ROBO2: variants seen among roughly 807,000 people sequenced by gnomAD.
ROBO2 encodes the protein roundabout guidance receptor 2, also known as roundabout homolog 2.
ROBO2 carries 53 observed loss-of-function variants against 160.8 expected under a neutral mutation model. That is an observed-to-expected ratio of 0.33 (90% CI 0.26 to 0.41). The LOEUF (loss-of-function observed/expected upper bound fraction) is 0.41. Ranked by LOEUF, ROBO2 falls within the 10% of genes least tolerant of loss-of-function variation. The pLI, the probability that ROBO2 is intolerant of heterozygous loss-of-function variation, is 1.00. For missense variants in ROBO2, 1,577 were observed against 1,722.4 expected (o/e 0.92, Z 1.49); for synonymous variants, 664 against 611.7 (o/e 1.09, Z -1.26).
chr3:76,249,259 T>C lies in ROBO2; in HGVS notation c.109+311657T>C, dbSNP rs528006903. On this transcript the variant is annotated intron_variant, in intron 2 of 26. Coordinates refer to the ROBO2 transcript ENST00000487694. ...CACAGTACTAACAGTGCCTCAGAAC[T>C]GGGAAGTCAAAATGGATATTTATAC... is the stretch of plus-strand genomic sequence containing the variant. 2.3e-3 allele frequency among the ~76,000 whole-genome samples: 356 copies of C among 152,106 alleles called. 3 individuals are homozygous for C. The highest frequency in any genetic ancestry group is 8.2e-3 in the African/African-American group (340 of 41,522).
intron 2 of ROBO2, among the ~76,000 whole-genome samples, chr3:75,979,611 T>G (rs1208367583): frequency 6.6e-6 from 1 of 151,538 alleles, no homozygotes; most frequent in Non-Finnish European, 1.5e-5. Context: ...ATAACATGCA[T>G]AAAAATGCCT....
rs182570447 is a variant in ROBO2 at position 77,429,994 on chromosome 3, C to G, written c.389-47420C>G. Among the ~76,000 whole-genome samples the G allele has an allele frequency of 6.8e-4, 103 of 152,248 alleles. 1 individual carries two copies. The highest frequency in any genetic ancestry group is 1.7e-3 in the African/African-American group (71 of 41,546). On this transcript the variant is annotated intron_variant, in intron 2 of 25. Coordinates refer to ENST00000461745, the Ensembl canonical transcript of ROBO2. ...GGTTAGATCAGGTGAGGCTTCTGTG[C>G]AATGGACAGTGATCGATATGTTTCA... is the stretch of plus-strand genomic sequence containing the variant.
rs530294599 is a variant in ROBO2 at position 76,227,439 on chromosome 3, A to G, written c.109+289837A>G. On this transcript the variant is annotated intron_variant, in intron 2 of 26. Transcript: ENST00000487694. Reference sequence around the variant, plus strand: ...TGTGATTAATTTTGATTATGACTCTACATACTTTGTACACCTCAAATAAAT... The same window carrying G: ...TGTGATTAATTTTGATTATGACTCTGCATACTTTGTACACCTCAAATAAAT... Among the ~76,000 whole-genome samples, 9 of 152,332 alleles carry G rather than the reference A, an allele frequency of 5.9e-5. No individual in the cohort carries two copies. In the South Asian group the frequency reaches 1.9e-3, roughly 32 times the overall value.
chr3:77,556,364 TTTTG>T (rs2093121068), intron 8 of ROBO2, among the ~76,000 whole-genome samples: 1 of 151,924 alleles, frequency 6.6e-6, no homozygotes, highest in Non-Finnish European at 1.5e-5. Context: ...TGATTCTAAT[TTTTG>T]TTTGTGAATG....
At chr3:77,328,630 G>A (rs2065677634) in intron 2 of ROBO2, among the ~76,000 whole-genome samples, 1 of 152,150 alleles carries the variant, frequency 6.6e-6, no homozygotes, top group Non-Finnish European at 1.5e-5. Context: ...TGTTAAAAAT[G>A]TAAGAGAGCA....
intron 2 of ROBO2, among the ~76,000 whole-genome samples, chr3:77,024,420 A>G (rs1030599111): frequency 3.3e-5 from 5 of 152,206 alleles, no homozygotes; most frequent in Non-Finnish European, 5.9e-5. Context: ...ATAGCTTGAG[A>G]CACTGATGGA....
At chr3:76,440,171 T>G (rs2076860194) in intron 2 of ROBO2, among the ~76,000 whole-genome samples, 1 of 152,034 alleles carries the variant, frequency 6.6e-6, no homozygotes, top group Non-Finnish European at 1.5e-5. Context: ...TTCCACTAAA[T>G]AGCAAGACCT....
chr3:76,426,643 T>C (rs1490041529), intron 2 of ROBO2, among the ~76,000 whole-genome samples: 1 of 152,142 alleles, frequency 6.6e-6, no homozygotes, highest in Admixed American at 6.6e-5. Context: ...GGAAGTGGGC[T>C]TAGATGAAAG....
chr3:76,515,605 C>G (rs1322141769), intron 2 of ROBO2, among the ~76,000 whole-genome samples: 2 of 152,016 alleles, frequency 1.3e-5, no homozygotes, highest in Non-Finnish European at 2.9e-5. Flanking sequence ...CATATAAAGC[C>G]TAAGCATATC....
chr3:77,140,217 G>T (rs1175464035), intron 2 of ROBO2, among the ~76,000 whole-genome samples: 2 of 152,122 alleles, frequency 1.3e-5, no homozygotes, highest in African/African-American at 4.8e-5. Context: ...TGTGGCGATT[G>T]TTCTTAAACC....
At chr3:76,879,730 G>T (rs2073149924) in intron 2 of ROBO2, among the ~76,000 whole-genome samples, 1 of 151,982 alleles carries the variant, frequency 6.6e-6, no homozygotes, top group Non-Finnish European at 1.5e-5. Flanking sequence ...AATATATATT[G>T]TACCAGTACT....
intron 2 of ROBO2, among the ~76,000 whole-genome samples, chr3:76,900,643 C>T (rs1257006283): frequency 2.0e-5 from 3 of 152,200 alleles, no homozygotes; most frequent in South Asian, 2.1e-4. Flanking sequence ...CGCTGCTAGA[C>T]GATATGTAAA....
chr3:76,840,534 C>G, intron 2 of ROBO2, among the ~76,000 whole-genome samples: 1 of 150,652 alleles, frequency 6.6e-6, no homozygotes, highest in East Asian at 2.0e-4. Context: ...CGCTTGAACC[C>G]AGAAGGTGGA....
At chr3:77,384,744 G>A (rs904343531) in intron 2 of ROBO2, among the ~76,000 whole-genome samples, 1 of 152,124 alleles carries the variant, frequency 6.6e-6, no homozygotes, top group Admixed American at 6.5e-5. Flanking sequence ...TCCTTATAGA[G>A]TCACAAAGTA....
exon 21 of ROBO2, chr3:77,607,931 T>C (rs368811223): frequency 3.1e-6 from 5 of 1,613,502 alleles, no homozygotes; most frequent in African/African-American, 2.7e-5. Flanking sequence ...TGGAACACTA[T>C]GCAGTGGAAC....
chr3:77,233,948 T>C (rs1428896861), intron 2 of ROBO2, among the ~76,000 whole-genome samples: 1 of 152,174 alleles, frequency 6.6e-6, no homozygotes, highest in East Asian at 1.9e-4. Flanking sequence ...TGTATTTGTG[T>C]TTCTGTTTTC....
intron 2 of ROBO2, among the ~76,000 whole-genome samples, chr3:76,358,327 C>G (rs1295484434): frequency 6.6e-6 from 1 of 151,932 alleles, no homozygotes; most frequent in Non-Finnish European, 1.5e-5. Flanking sequence ...TTAAAGTGTA[C>G]AGTACTGGGA....
rs368381172 is a variant in ROBO2 at position 76,653,651 on chromosome 3, G to A, written c.110-444363G>A. 7.3e-4 allele frequency among the ~76,000 whole-genome samples: 111 copies of A among 151,942 alleles called. 2 individuals carry two copies. In the South Asian group the frequency reaches 8.3e-3, roughly 11 times the overall value. ...TATAATTAAATATAAAAATCGAGGC[G>A]TTCACACAGATATGCTAATAACTCC... On this transcript the variant is annotated intron_variant, in intron 2 of 26. Coordinates refer to the ROBO2 transcript ENST00000487694.
intron 2 of ROBO2, among the ~76,000 whole-genome samples, chr3:75,938,318 T>C (rs1400108883): frequency 6.6e-6 from 1 of 151,946 alleles, no homozygotes; most frequent in Non-Finnish European, 1.5e-5. Context: ...ATAAGTATTG[T>C]TTTTGGAGGT....
Sources: gnomAD v4.1 joint callset for allele counts (sites outside exome capture counted in the v4.1 genomes callset) on GRCh38, gnomAD v4.1.1 for gene constraint, MANE v1.5 for transcripts, NCBI Gene and HGNC (gene_info 2026-07-23, HGNC 2026-07-21) for gene names.